DIAPH3: variants seen among roughly 807,000 people sequenced by gnomAD.
DIAPH3 encodes the protein diaphanous related formin 3.
DIAPH3 carries 117 observed loss-of-function variants against 144.3 expected under a neutral mutation model. The ratio of observed to expected loss-of-function variants is 0.81; its 90% confidence interval spans 0.70 to 0.95. The LOEUF (loss-of-function observed/expected upper bound fraction) is 0.95. Ranked by LOEUF, DIAPH3 falls within the 40% of genes least tolerant of loss-of-function variation. The probability of loss-of-function intolerance (pLI) is 0.00; values close to 1 mark genes in which losing one functional copy is unlikely to be tolerated. For missense variants in DIAPH3, 1,421 were observed against 1,412.7 expected (o/e 1.01, Z -0.09); for synonymous variants, 519 against 488.9 (o/e 1.06, Z -0.81).
chr13:59,787,187 G>A (rs550503661), intron 25 of DIAPH3, among the ~76,000 whole-genome samples: 67 of 152,230 alleles, frequency 4.4e-4, no homozygotes, highest in African/African-American at 1.5e-3. Flanking sequence ...GATAAAGGTG[G>A]CATTTCAAAT....
chr13:59,991,481 A>G (rs1263171361), intron 11 of DIAPH3, among the ~76,000 whole-genome samples: 1 of 151,956 alleles, frequency 6.6e-6, no homozygotes, highest in Non-Finnish European at 1.5e-5. Context: ...TCCCTTCTAC[A>G]ATCAGTTCCA....
intron 20 of DIAPH3, 125 bp downstream of exon 20, chr13:59,911,610 A>G (rs1318798147): frequency 1.4e-6 from 1 of 735,506 alleles, no homozygotes; most frequent in Non-Finnish European, 2.4e-6. Flanking sequence ...GTTAAAAAAA[A>G]GTAAGATGGA....
At chr13:59,967,369 C>A (rs990611376) in intron 17 of DIAPH3, among the ~76,000 whole-genome samples, 1 of 151,896 alleles carries the variant, frequency 6.6e-6, no homozygotes, top group African/African-American at 2.4e-5. Flanking sequence ...GCCATTGCAC[C>A]CGGCCATAGT....
rs149284995 is a variant in DIAPH3, at chr13:60,058,262, A to G, written c.496-15442T>C. Among the ~76,000 whole-genome samples, 594 of 152,108 alleles carry G rather than the reference A, an allele frequency of 3.9e-3. 5 individuals are homozygous for G. Among genetic ancestry groups the G allele is most frequent in the African/African-American group, 0.014 (577 of 41,554 alleles). On this transcript the variant is annotated intron_variant, in intron 4 of 27. Coordinates refer to ENST00000400324, the MANE Select transcript of DIAPH3 (RefSeq NM_001042517.2). ...AGACATTTCTGACACTTCTCAAAAGAAGATATAAATGGACAAAAAAAATGA... is the reference window on the plus strand; with the variant it reads ...AGACATTTCTGACACTTCTCAAAAGGAGATATAAATGGACAAAAAAAATGA...
chr13:59,877,017 A>T (rs2009562491), intron 21 of DIAPH3, among the ~76,000 whole-genome samples: 1 of 151,952 alleles, frequency 6.6e-6, no homozygotes, highest in African/African-American at 2.4e-5. Flanking sequence ...TCCCCACTAC[A>T]TTCTACCTCA....
intron 27 of DIAPH3, among the ~76,000 whole-genome samples, chr13:59,728,618 T>A (rs1428817096): frequency 6.6e-5 from 10 of 152,072 alleles, no homozygotes; most frequent in African/African-American, 2.4e-4. Context: ...ATAAAATGAA[T>A]ATAATCATGG....
chr13:59,825,217 GT>G (rs1455512427), intron 24 of DIAPH3, among the ~76,000 whole-genome samples: 5 of 151,886 alleles, frequency 3.3e-5, no homozygotes, highest in South Asian at 4.2e-4. Context: ...TCCCCAGAGT[GT>G]GATGCTCCCC....
intron 1 of DIAPH3, among the ~76,000 whole-genome samples, chr13:60,137,575 C>CA (rs921403242): frequency 2.0e-4 from 31 of 152,066 alleles, no homozygotes; most frequent in Non-Finnish European, 4.0e-4. Flanking sequence ...TCTGAACTAG[C>CA]AGGCCAATGG....
chr13:59,885,535 T>C (rs981424681), intron 20 of DIAPH3, among the ~76,000 whole-genome samples: 5 of 151,206 alleles, frequency 3.3e-5, no homozygotes. Context: ...TAGATTTCCA[T>C]GCAAGAATAT....
chr13:59,901,967 G>T, intron 20 of DIAPH3, among the ~76,000 whole-genome samples: 1 of 152,158 alleles, frequency 6.6e-6, no homozygotes, highest in East Asian at 1.9e-4. Flanking sequence ...ATCATCTAAT[G>T]AGAGTGCAAA....
chr13:60,162,160 T>C (rs1215104748), intron 1 of DIAPH3, among the ~76,000 whole-genome samples: 2 of 152,242 alleles, frequency 1.3e-5, no homozygotes, highest in African/African-American at 4.8e-5. Context: ...CATGCTGAGA[T>C]GGTCAATGTG....
intron 21 of DIAPH3, among the ~76,000 whole-genome samples, chr13:59,875,205 C>T (rs925323684): frequency 1.8e-4 from 28 of 152,290 alleles, no homozygotes; most frequent in Admixed American, 4.6e-4. Context: ...ACTTAATCAA[C>T]AGCAGTCTCC....
At chr13:59,693,899 A>G (rs2033662545) in intron 27 of DIAPH3, among the ~76,000 whole-genome samples, 1 of 152,164 alleles carries the variant, frequency 6.6e-6, no homozygotes, top group Admixed American at 6.5e-5. Flanking sequence ...AAATTATGAA[A>G]TGATGACATG....
intron 5 of DIAPH3, among the ~76,000 whole-genome samples, chr13:60,022,087 A>G (rs914368677): frequency 6.6e-6 from 1 of 152,218 alleles, no homozygotes; most frequent in African/African-American, 2.4e-5. Context: ...ATACAATTTT[A>G]TATTTTTATC....
Position 60,131,077 on chromosome 13 carries a change from T to C in DIAPH3, c.213+1880A>G, listed in dbSNP as rs547186751. 7.9e-5 allele frequency among the ~76,000 whole-genome samples: 12 copies of C among 152,112 alleles called. No homozygotes were observed. The East Asian group carries it at 2.1e-3, about 27-fold the overall frequency. Reference sequence around the variant, plus strand: ...GTGTTTGAAAGAGAAAAAAATGCAATGTCCATAAAATATGAATAAACCTCA... The same window carrying C: ...GTGTTTGAAAGAGAAAAAAATGCAACGTCCATAAAATATGAATAAACCTCA... On this transcript the variant is annotated intron_variant, in intron 2 of 27. Transcript: ENST00000400324.
intron 16 of DIAPH3, 51 bp from the exon 17 acceptor site, chr13:59,970,109 C>T: frequency 9.1e-7 from 1 of 1,093,024 alleles, no homozygotes; most frequent in Non-Finnish European, 1.4e-6. Flanking sequence ...TTTCACCTGT[C>T]CCAAGTCAAG....
rs374686604 is a variant in DIAPH3 at position 60,042,636 on chromosome 13, T to C, written c.626+54A>G. ...GGCAAAATGAAAAAAAGTATTAAAC[T>C]AAAAGAACACATTAATGACATCTGC... is the stretch of plus-strand genomic sequence containing the variant. On this transcript the variant is annotated intron_variant, in intron 5 of 27. Coordinates refer to ENST00000400324, the MANE Select transcript of DIAPH3 (RefSeq NM_001042517.2). 44 of 1,608,584 alleles carry C rather than the reference T, an allele frequency of 2.7e-5. No individual in the cohort carries two copies. In the East Asian group the frequency reaches 4.5e-4, roughly 16 times the overall value.
At chr13:59,881,939 T>A (rs6562061) in intron 20 of DIAPH3, among the ~76,000 whole-genome samples, 2,873 of 152,276 alleles carry the variant, frequency 0.019, 85 homozygotes, top group African/African-American at 0.065. Context: ...ACTTGAAAGG[T>A]CACCTGGAGA....
chr13:59,741,788 A>C (rs1181995945), intron 27 of DIAPH3, among the ~76,000 whole-genome samples: 1 of 131,722 alleles, frequency 7.6e-6, no homozygotes, highest in Non-Finnish European at 1.6e-5. Flanking sequence ...TATAATTCTA[A>C]ACAACTGTAT....
Sources: gnomAD v4.1 joint callset for allele counts (sites outside exome capture counted in the v4.1 genomes callset) on GRCh38, gnomAD v4.1.1 for gene constraint, MANE v1.5 for transcripts, NCBI Gene and HGNC (gene_info 2026-07-23, HGNC 2026-07-21) for gene names.